ARHGAP20: variants seen among roughly 807,000 people sequenced by gnomAD.
ARHGAP20 encodes the protein rho GTPase-activating protein 20.
ARHGAP20 carries 34 observed loss-of-function variants against 73.7 expected under a neutral mutation model. The ratio of observed to expected loss-of-function variants is 0.46; its 90% confidence interval spans 0.35 to 0.61. ARHGAP20 has a LOEUF of 0.61. Among genes scored for constraint, ARHGAP20 ranks in the 20% least tolerant of loss-of-function variants. The pLI is 0.00. For missense variants in ARHGAP20, 1,314 were observed against 1,420.9 expected (o/e 0.92, Z 1.21); for synonymous variants, 523 against 518.2 (o/e 1.01, Z -0.13).
chr11:110,648,451 G>A lies in ARHGAP20; in HGVS notation c.189-17659C>T, dbSNP rs138971570. Reference sequence around the variant, plus strand: ...CCAGTAATTATGATTAGGGACAGAAGAATAGACTCATAAGTTCCACACCAT... The same window carrying A: ...CCAGTAATTATGATTAGGGACAGAAAAATAGACTCATAAGTTCCACACCAT... On this transcript the variant is annotated intron_variant, in intron 2 of 14. Coordinates refer to ENST00000683387, the MANE Select transcript of ARHGAP20 (RefSeq NM_001384657.1). 1.7e-3 allele frequency among the ~76,000 whole-genome samples: 256 copies of A among 149,220 alleles called. 1 individual carries two copies. The highest frequency in any genetic ancestry group is 5.5e-3 in the African/African-American group (224 of 40,656).
chr11:110,587,505 A>AACTT (rs1389142299), intron 11 of ARHGAP20, among the ~76,000 whole-genome samples: 1 of 152,228 alleles, frequency 6.6e-6, no homozygotes, highest in Non-Finnish European at 1.5e-5. Flanking sequence ...AAGCTGTGAT[A>AACTT]ACTTATTGTT....
intron 11 of ARHGAP20, among the ~76,000 whole-genome samples, chr11:110,588,112 T>C (rs1177650177): frequency 2.0e-5 from 3 of 152,190 alleles, no homozygotes; most frequent in Non-Finnish European, 4.4e-5. Context: ...TAATAACTCG[T>C]AACATCTCAA....
intron 6 of ARHGAP20, among the ~76,000 whole-genome samples, chr11:110,612,331 G>A (rs1433143173): frequency 1.6e-4 from 25 of 151,878 alleles, no homozygotes; most frequent in African/African-American, 5.8e-4. Context: ...GGGAGGCTGA[G>A]GCAGGAGAAT....
upstream of ARHGAP20, chr11:110,712,585 C>A (rs1950694493): frequency 6.6e-6 from 1 of 152,410 alleles, no homozygotes; most frequent in Admixed American, 6.5e-5. Context: ...GCCTGCGGCG[C>A]GCCTGGCGGG....
intron 2 of ARHGAP20, among the ~76,000 whole-genome samples, chr11:110,662,049 A>G (rs1271322325): frequency 6.6e-6 from 1 of 152,028 alleles, no homozygotes; most frequent in Non-Finnish European, 1.5e-5. Flanking sequence ...AAGTATCTCT[A>G]TGTACTGGTA....
rs1950223868 is a variant in ARHGAP20, at chr11:110,690,603, C to T, written c.132G>A (p.Arg44=). Residue 44 remains arginine (R), a synonymous_variant, in exon 2 of 15, where the codon AGG becomes AGA. Transcript: ENST00000683387. ...KKKMKTLAER[R]RSAPSLILDK... is the part of the protein sequence containing the mutation. ...CCAGGATAAGAGATGGAGCGCTCCTCCTCCTTTCTGCTAGTGTTTTCATTT... is the reference window on the plus strand; with the variant it reads ...CCAGGATAAGAGATGGAGCGCTCCTTCTCCTTTCTGCTAGTGTTTTCATTT... The T allele has an allele frequency of 6.2e-7, 1 of 1,613,946 alleles. No homozygotes were observed. The highest frequency in any genetic ancestry group is 1.1e-5 in the South Asian group (1 of 91,080).
chr11:110,644,324 CA>C (rs1228072979), intron 2 of ARHGAP20, among the ~76,000 whole-genome samples: 1 of 151,776 alleles, frequency 6.6e-6, no homozygotes, highest in Admixed American at 6.6e-5. Context: ...TCAAACAAAA[CA>C]AAAAAAGACA....
chr11:110,691,174 C>T, intron 1 of ARHGAP20: 1 of 472,234 alleles, frequency 2.1e-6, no homozygotes, highest in Non-Finnish European at 3.6e-6. Context: ...TAACTTCAAA[C>T]AATAAAAAAA....
chr11:110,712,311 G>A lies in ARHGAP20; in HGVS notation c.-80C>T. 1 of 1,179,634 alleles carries A rather than the reference G, an allele frequency of 8.5e-7. No individual in the cohort carries two copies. The highest frequency in any genetic ancestry group is 1.1e-6 in the Non-Finnish European group (1 of 924,926). The allele number at this position is 1,179,634 out of a possible 1,614,324, so 73.1% of individuals were successfully genotyped here. On this transcript the variant is annotated 5_prime_UTR_variant, in exon 1 of 15. Coordinates refer to ENST00000683387, the MANE Select transcript of ARHGAP20 (RefSeq NM_001384657.1). ...GCGGGCTGCCGGCCGGAGGGGCGAG[G>A]ACGCGCGGGCGGAGGCGCGGCTGCC...
At chr11:110,691,464 C>T (rs988151461) in intron 1 of ARHGAP20, among the ~76,000 whole-genome samples, 1 of 152,164 alleles carries the variant, frequency 6.6e-6, no homozygotes, top group East Asian at 1.9e-4. Flanking sequence ...ATCCCTCTCA[C>T]CCTGTATCCT....
Position 110,712,193 on chromosome 11 carries a change from T to TC in ARHGAP20, c.38dup (p.Gln14ThrfsTer41). On this transcript the variant is annotated frameshift_variant, in exon 1 of 15. Coordinates refer to ENST00000683387, the MANE Select transcript of ARHGAP20 (RefSeq NM_001384657.1). LOFTEE classifies it high-confidence loss of function. ...TCAGGGAAGAGGAGCGCCCCGGCTGTCCCCCTAGAGTCTCCTGCTGGGGGG... is the reference window on the plus strand; with the variant it reads ...TCAGGGAAGAGGAGCGCCCCGGCTGTCCCCCCTAGAGTCTCCTGCTGGGGGG... 4 of 1,358,814 alleles carry TC rather than the reference T, an allele frequency of 2.9e-6. No homozygotes were observed. Among genetic ancestry groups the TC allele is most frequent in the Non-Finnish European group, 2.9e-6 (3 of 1,050,176 alleles). 84.2% of individuals were successfully genotyped at this position (1,358,814 alleles called of 1,614,324 possible).
chr11:110,598,273 A>C (rs1948022716), intron 9 of ARHGAP20, among the ~76,000 whole-genome samples: 1 of 152,124 alleles, frequency 6.6e-6, no homozygotes, highest in Non-Finnish European at 1.5e-5. Context: ...TAAAATTTCA[A>C]TTCCAGTTCA....
At chr11:110,702,771 A>G (rs999597187) in intron 1 of ARHGAP20, among the ~76,000 whole-genome samples, 1 of 152,080 alleles carries the variant, frequency 6.6e-6, no homozygotes, top group Non-Finnish European at 1.5e-5. Context: ...TCATGAGTGA[A>G]CTCCCATTCA....
intron 10 of ARHGAP20, among the ~76,000 whole-genome samples, chr11:110,591,680 T>G (rs1947832136): frequency 6.6e-6 from 1 of 152,230 alleles, no homozygotes; most frequent in Non-Finnish European, 1.5e-5. Flanking sequence ...TTGAGAACAA[T>G]GTGACGTTCA....
chr11:110,657,307 A>C (rs1007154816), intron 2 of ARHGAP20, among the ~76,000 whole-genome samples: 2 of 152,202 alleles, frequency 1.3e-5, no homozygotes, highest in African/African-American at 4.8e-5. Context: ...TATCAGGACA[A>C]GAGAATAAGA....
At chr11:110,633,576 G>C (rs188195738) in intron 2 of ARHGAP20, among the ~76,000 whole-genome samples, 34 of 152,274 alleles carry the variant, frequency 2.2e-4, no homozygotes, top group Non-Finnish European at 2.2e-4. Context: ...TAGGCATTCA[G>C]TAGAAACTGT....
At position 110,648,353 on chromosome 11, in the gene ARHGAP20, C is replaced by T. The variant is rs201872749; in HGVS notation, c.189-17561G>A. The stretch of plus-strand genomic sequence containing the variant: ...ATGTGTATATGTGTGTGTGTGTATA[C>T]ATATATATATGTGGATATATATGTG... On this transcript the variant is annotated intron_variant, in intron 2 of 14. Coordinates refer to ENST00000683387, the MANE Select transcript of ARHGAP20 (RefSeq NM_001384657.1). Among the ~76,000 whole-genome samples, 3 of 146,454 alleles carry T rather than the reference C, an allele frequency of 2.0e-5. No individual in the cohort carries two copies. The East Asian group carries it at 6.0e-4, about 29-fold the overall frequency.
chr11:110,612,787 T>C (rs959977560), intron 6 of ARHGAP20, among the ~76,000 whole-genome samples: 2 of 152,352 alleles, frequency 1.3e-5, no homozygotes, highest in South Asian at 2.1e-4. Flanking sequence ...AATTGTTTAA[T>C]TGAATTTTAA....
chr11:110,690,827 A>C (rs1950228934), intron 1 of ARHGAP20, 198 bp from the exon 2 acceptor site: 1 of 878,276 alleles, frequency 1.1e-6, no homozygotes, highest in East Asian at 2.7e-5. Flanking sequence ...AAGTGTCAAA[A>C]AGTGGTAAAA....
Sources: gnomAD v4.1 joint callset for allele counts (sites outside exome capture counted in the v4.1 genomes callset) on GRCh38, gnomAD v4.1.1 for gene constraint, MANE v1.5 for transcripts, NCBI Gene and HGNC (gene_info 2026-07-23, HGNC 2026-07-21) for gene names.